The following PLPP2 variants were observed in gnomAD, a reference collection of about 807,000 sequenced individuals.
The protein encoded by PLPP2 is phospholipid phosphatase 2.
A neutral mutation model predicts 35.2 loss-of-function variants in PLPP2; 29 were observed. The ratio of observed to expected loss-of-function variants is 0.82; its 90% CI spans 0.61 to 1.12. The LOEUF is 1.12. Among genes scored for constraint, PLPP2 ranks in the 50% most tolerant of loss-of-function variants. PLPP2 has a pLI of 0.00. For synonymous variants in PLPP2, 162 were observed against 167.0 expected (o/e 0.97, Z 0.23); for missense variants, 353 against 375.2 (o/e 0.94, Z 0.49).
intron 3 of PLPP2, chr19:284,830 C>CA (rs1190795653): frequency 1.3e-5 from 2 of 152,148 alleles, no homozygotes; most frequent in Non-Finnish European, 2.9e-5. Context: ...GAAAATAGGT[C>CA]AATTGGCCGG....
chr19:282,441 C>G, intron 4 of PLPP2, 131 bp from the exon 5 acceptor site: 1 of 585,218 alleles, frequency 1.7e-6, no homozygotes, highest in Non-Finnish European at 2.9e-6. Context: ...GCCTGTGCAC[C>G]TGCCAGGCGC....
Position 287,405 on chromosome 19 carries a change from T to A in PLPP2, c.482+69A>T, listed in dbSNP as rs748016906. On this transcript the variant is annotated intron_variant, in intron 3 of 5. Transcript: ENST00000434325. The surrounding 1 kb of genome is among the most constrained non-coding windows in gnomAD (Gnocchi z 4.3). ...GTCTCAGCTGCCTGCTGGCTCTTCA[T>A]GATTTGGCTCCAGGGCCTTCTTCAG... 3.5e-5 allele frequency: 54 copies of A among 1,540,642 alleles called. No homozygotes were observed. Among genetic ancestry groups the A allele is most frequent in the Non-Finnish European group, 4.5e-5 (51 of 1,142,620 alleles).
At position 287,348 on chromosome 19, in the gene PLPP2, A is replaced by C; in HGVS notation, c.482+126T>G. On this transcript the variant is annotated intron_variant, in intron 3 of 5. Transcript: ENST00000434325. The surrounding 1 kb of genome is among the most constrained non-coding windows in gnomAD (Gnocchi z 4.3). ...TACAAGAATGCACTAACTTATACAA[A>C]AATTAGCCGGGCGTGGTGGCGCACG... is the stretch of plus-strand genomic sequence containing the variant. The C allele has an allele frequency of 8.1e-7, 1 of 1,234,192 alleles. No homozygotes were observed. Among genetic ancestry groups the C allele is most frequent in the Non-Finnish European group, 1.1e-6 (1 of 891,842 alleles). The allele number at this position is 1,234,192 out of a possible 1,614,324, so 76.5% of individuals were successfully genotyped here. A position where few individuals can be genotyped will look rare whatever the true frequency, so the allele number is the denominator to read the frequency against.
At chr19:290,864 C>T (rs761658210) in intron 1 of PLPP2, 343 of 1,059,688 alleles carry the variant, frequency 3.2e-4, no homozygotes, top group Middle Eastern at 1.4e-3. Flanking sequence ...CCGCGCGCAG[C>T]GGGAGCGCCC....
Position 282,117 on chromosome 19 carries a change from T to G in PLPP2, c.717+17A>C. ...CTCTGGACAACACAGGGGATAGAGT[T>G]AGGGTTAGAAGCTCACAGTGAGGGC... On this transcript the variant is annotated intron_variant, in intron 5 of 5. Transcript: ENST00000434325. 1 of 1,612,322 alleles carries G rather than the reference T, an allele frequency of 6.2e-7. No individual in the cohort carries two copies.
At chr19:290,199 C>G (rs1193289354) in intron 1 of PLPP2, among the ~76,000 whole-genome samples, 1 of 152,196 alleles carries the variant, frequency 6.6e-6, no homozygotes, top group African/African-American at 2.4e-5. Context: ...GCCACCACCC[C>G]TGGCACACAG....
At chr19:291,117 G>C (rs1296399165) in intron 1 of PLPP2, 168 bp downstream of exon 1, 25 of 1,373,248 alleles carry the variant, frequency 1.8e-5, no homozygotes, top group Non-Finnish European at 2.4e-5. Context: ...GGCGCGCGCA[G>C]TGCGGGGCGC....
chr19:285,421 G>A (rs1285407880), intron 3 of PLPP2: 1 of 151,392 alleles, frequency 6.6e-6, no homozygotes, highest in Non-Finnish European at 1.5e-5. Context: ...ACAAGAGAGA[G>A]ACTTCGTTTC....
chr19:288,433 C>A, intron 1 of PLPP2: 2 of 350,788 alleles, frequency 5.7e-6, no homozygotes, highest in Non-Finnish European at 1.0e-5. Flanking sequence ...CTTTGCACAG[C>A]CACTTCTCTC....
At chr19:282,721 C>G (rs374969253) in intron 4 of PLPP2, 31 bp downstream of exon 4, 27 of 1,602,774 alleles carry the variant, frequency 1.7e-5, no homozygotes, top group Non-Finnish European at 2.1e-5. Flanking sequence ...ATGGTTCCCC[C>G]GAAAAGCAAG....
In PLPP2 at chr19:288,117, A is replaced by C. The variant is rs771752367; in HGVS notation, c.107T>G (p.Phe36Cys). Residue 36 changes from phenylalanine to cysteine, a missense_variant, in exon 2 of 6, where the codon TTT becomes TGT. Coordinates refer to ENST00000434325, the MANE Select transcript of PLPP2 (RefSeq NM_003712.4). ...CCGGATGGAGTCATCCCCGCAGTAA[A>C]ATCCTCGCTTGTACGGGGCGTTCAC... is the stretch of plus-strand genomic sequence containing the variant. ...TLVNAPYKRG[F>C]YCGDDSIRYP... The C allele has an allele frequency of 6.2e-7, 1 of 1,612,560 alleles. No homozygotes were observed. Among genetic ancestry groups the C allele is most frequent in the Non-Finnish European group, 8.5e-7 (1 of 1,179,218 alleles).
chr19:286,081 C>G (rs139976253), intron 3 of PLPP2: 1 of 151,690 alleles, frequency 6.6e-6, no homozygotes. Flanking sequence ...AGCACTTGAA[C>G]CCAGGAGATG....
chr19:291,159 C>A (rs1195654900), intron 1 of PLPP2, 126 bp downstream of exon 1: 3 of 1,484,724 alleles, frequency 2.0e-6, no homozygotes, highest in Admixed American at 4.4e-5. Context: ...GCGAGGTCCC[C>A]GCCTCCAGGG....
chr19:282,173 A>G lies in PLPP2; in HGVS notation c.678T>C (p.Leu226=), dbSNP rs1411644413. 18 of 1,613,688 alleles carry G rather than the reference A, an allele frequency of 1.1e-5. No homozygotes were observed. The highest frequency in any genetic ancestry group is 1.1e-5 in the South Asian group (1 of 91,092). ...SDYKHHWSDV[L]VGLLQGALVA... ...CCAGTGCCCCCTGCAGGAGGCCAAC[A>G]AGGACATCGCTCCAGTGGTGTTTGT... Residue 226 remains leucine, a synonymous_variant, in exon 5 of 6, where the codon CTT becomes CTC. Transcript: ENST00000434325.
chr19:289,539 C>T (rs1343148193), intron 1 of PLPP2, among the ~76,000 whole-genome samples: 60 of 152,076 alleles, frequency 3.9e-4, no homozygotes, highest in African/African-American at 1.4e-3. Flanking sequence ...CACGGTGAAA[C>T]CCCAACTCTA....
chr19:291,070 C>T (rs2145281426), intron 1 of PLPP2: 2 of 1,327,320 alleles, frequency 1.5e-6, no homozygotes, highest in South Asian at 2.0e-5. Flanking sequence ...CCCCCATCCC[C>T]CTGGGCCTGG....
Position 287,324 on chromosome 19 carries a change from A to T in PLPP2, c.482+150T>A. On this transcript the variant is annotated intron_variant, in intron 3 of 5. Coordinates refer to ENST00000434325, the MANE Select transcript of PLPP2 (RefSeq NM_003712.4). This position sits in a 1 kb window ranked among gnomAD's most constrained non-coding sequence, Gnocchi z 4.3. Reference sequence around the variant, plus strand: ...CAACATGGATGAACTTCAAAAACATACAAGAATGCACTAACTTATACAAAA... The same window carrying T: ...CAACATGGATGAACTTCAAAAACATTCAAGAATGCACTAACTTATACAAAA... 9 of 962,524 alleles carry T rather than the reference A, an allele frequency of 9.4e-6. No homozygotes were observed. In the South Asian group the frequency reaches 1.5e-4, roughly 16 times the overall value. The allele number at this position is 962,524 out of a possible 1,614,324, so 59.6% of individuals were successfully genotyped here.
chr19:283,121 G>T, intron 3 of PLPP2: 1 of 308,904 alleles, frequency 3.2e-6, no homozygotes, highest in Non-Finnish European at 5.9e-6. Context: ...TTTCTTTTCA[G>T]GATTTTCTCC....
In PLPP2 at chr19:281,337, G is replaced by A. The variant is rs773491629; in HGVS notation, c.*51C>T. 5 of 1,347,790 alleles carry A rather than the reference G, an allele frequency of 3.7e-6. No homozygotes were observed. The African/African-American group carries it at 4.5e-5, about 12-fold the overall frequency. The allele number at this position is 1,347,790 out of a possible 1,614,324, so 83.5% of individuals were successfully genotyped here. On this transcript the variant is annotated 3_prime_UTR_variant, in exon 6 of 6. Coordinates refer to ENST00000434325, the MANE Select transcript of PLPP2 (RefSeq NM_003712.4). ...AACCAGGGCTGGAGGGACCACCTGG[G>A]TGGGCCTCAGCTGGACTCACAGCAG... is the stretch of plus-strand genomic sequence containing the variant.
Sources: gnomAD v4.1 joint callset for allele counts (sites outside exome capture counted in the v4.1 genomes callset) on GRCh38, gnomAD v4.1.1 for gene constraint, Gnocchi (gnomAD v3.1) non-coding constraint, MANE v1.5 for transcripts, NCBI Gene and HGNC (gene_info 2026-07-23, HGNC 2026-07-21) for gene names.